Variants in DLGAP1 observed in about 807,000 individuals in gnomAD.
DLGAP1 encodes DLG associated protein 1, also known as disks large-associated protein 1.
In DLGAP1, 11 loss-of-function variants were observed where a neutral mutation model predicts 90.8. That is an observed-to-expected ratio of 0.12 (90% CI 0.08 to 0.20). The LOEUF (loss-of-function observed/expected upper bound fraction) is 0.20. Among genes scored for constraint, DLGAP1 ranks in the 10% least tolerant of loss-of-function variants. The probability of loss-of-function intolerance (pLI) is 1.00; values close to 1 mark genes in which losing one functional copy is unlikely to be tolerated. For missense variants in DLGAP1, 1,050 were observed against 1,333.8 expected (o/e 0.79, Z 3.31); for synonymous variants, 558 against 540.7 (o/e 1.03, Z -0.44).
intron 1 of DLGAP1, among the ~76,000 whole-genome samples, chr18:4,309,845 G>C (rs1376161922): frequency 1.3e-5 from 2 of 152,126 alleles, no homozygotes; most frequent in Admixed American, 1.3e-4. Flanking sequence ...GGCTCCACAG[G>C]CTTTTTGAAA....
intron 7 of DLGAP1, among the ~76,000 whole-genome samples, chr18:3,609,183 G>A (rs1003535276): frequency 1.5e-5 from 2 of 130,192 alleles, no homozygotes; most frequent in African/African-American, 5.5e-5. Flanking sequence ...AGCTGGGACT[G>A]CAGGTGTGCA....
intron 5 of DLGAP1, among the ~76,000 whole-genome samples, chr18:3,764,322 T>C (rs1299695825): frequency 6.6e-6 from 1 of 152,248 alleles, no homozygotes; most frequent in Non-Finnish European, 1.5e-5. Context: ...TTCACTAAGA[T>C]TGGGCAAATC....
intron 4 of DLGAP1, among the ~76,000 whole-genome samples, chr18:3,843,753 T>TATAAATAGGTAACATATGTCTGTC: frequency 6.6e-6 from 1 of 152,202 alleles, no homozygotes; most frequent in Non-Finnish European, 1.5e-5. Flanking sequence ...AACATTTAAG[T>TATAAATAGGTAACATATGTCTGTC]ATAAATAGGT....
intron 1 of DLGAP1, among the ~76,000 whole-genome samples, chr18:4,418,508 A>T (rs1321788765): frequency 3.9e-5 from 6 of 152,010 alleles, no homozygotes; most frequent in African/African-American, 1.4e-4. Context: ...GAAAGCCAGA[A>T]ACTATAAAAA....
At chr18:3,674,445 C>T (rs1402906325) in intron 7 of DLGAP1, among the ~76,000 whole-genome samples, 3 of 151,300 alleles carry the variant, frequency 2.0e-5, no homozygotes, top group Non-Finnish European at 4.4e-5. Context: ...AAAATGAGCT[C>T]CTATCTCTAC....
chr18:4,225,854 C>CAG (rs970270782), intron 1 of DLGAP1, among the ~76,000 whole-genome samples: 12 of 151,658 alleles, frequency 7.9e-5, no homozygotes, highest in South Asian at 2.1e-4. Flanking sequence ...TTAAAAAGGA[C>CAG]AGAGAGAGAG....
intron 4 of DLGAP1, among the ~76,000 whole-genome samples, chr18:3,869,861 G>A (rs534873829): frequency 1.3e-5 from 2 of 152,208 alleles, no homozygotes; most frequent in African/African-American, 4.8e-5. Flanking sequence ...TTTTCACACT[G>A]TATTTTTCAT....
At chr18:4,341,421 A>G (rs2081185678) in intron 1 of DLGAP1, among the ~76,000 whole-genome samples, 1 of 152,182 alleles carries the variant, frequency 6.6e-6, no homozygotes, top group African/African-American at 2.4e-5. Context: ...AATCAATACC[A>G]AAATGACTAG....
At chr18:4,429,544 C>T (rs773718241) in intron 1 of DLGAP1, among the ~76,000 whole-genome samples, 4 of 152,132 alleles carry the variant, frequency 2.6e-5, no homozygotes, top group Non-Finnish European at 5.9e-5. Context: ...TATCCACTGG[C>T]CAGATTGGTA....
chr18:4,438,768 C>T (rs2083461103), intron 1 of DLGAP1, among the ~76,000 whole-genome samples: 1 of 152,148 alleles, frequency 6.6e-6, no homozygotes, highest in Non-Finnish European at 1.5e-5. Flanking sequence ...ACAGACATAA[C>T]ATTTATAAAC....
rs71160924 is a variant in DLGAP1, at chr18:3,905,366, C to CAAAAAAAA, written c.-72-25234_-72-25227dup. On this transcript the variant is annotated intron_variant, in intron 3 of 12. Transcript: ENST00000315677. ...TGGGCAACAGAGTGAGACTCCATCT[C>CAAAAAAAA]AAAAAAAAAAAAAAAAAAAAAAAAA... 2.2e-3 allele frequency among the ~76,000 whole-genome samples: 43 copies of CAAAAAAAA among 19,820 alleles called. 2 individuals are homozygous for CAAAAAAAA. Among genetic ancestry groups the CAAAAAAAA allele is most frequent in the Admixed American group, 4.5e-3 (4 of 886 alleles). 13.0% of individuals were successfully genotyped at this position (19,820 alleles called of 152,430 possible).
rs559460935 is a variant in DLGAP1, at chr18:3,580,576, G to A, written c.1965+1299C>T. 1.9e-5 allele frequency: 30 copies of A among 1,588,952 alleles called. No homozygotes were observed. The Admixed American group carries it at 3.3e-4, about 17-fold the overall frequency. ...CAGAGCCAGAGGAGGGCTCCGGGGA[G>A]GAGGTGCCCATGGAGACTAGAGAGA... is the stretch of plus-strand genomic sequence containing the variant. On this transcript the variant is annotated intron_variant, in intron 8 of 12. Coordinates refer to ENST00000315677, the MANE Select transcript of DLGAP1 (RefSeq NM_004746.4).
At position 3,662,342 on chromosome 18, in the gene DLGAP1, C is replaced by T. The variant is rs143999550; in HGVS notation, c.1591+66793G>A. Among the ~76,000 whole-genome samples, 45 of 152,114 alleles carry T rather than the reference C, an allele frequency of 3.0e-4. 3 individuals carry two copies. In the East Asian group the frequency reaches 8.5e-3, roughly 29 times the overall value. On this transcript the variant is annotated intron_variant, in intron 7 of 12. Transcript: ENST00000315677. ...TACCTCATAGAGTTTCCAAAATAGA[C>T]AAAAAGGCTTTTAAGAATCCTAAGG...
At chr18:4,164,141 C>T (rs9783905) in intron 1 of DLGAP1, among the ~76,000 whole-genome samples, 39,636 of 152,034 alleles carry the variant, frequency 0.26, 7,765 homozygotes, top group African/African-American at 0.53. Flanking sequence ...AGAACCTGCA[C>T]GCTAAACATA....
intron 5 of DLGAP1, among the ~76,000 whole-genome samples, chr18:3,794,595 G>C (rs984060349): frequency 1.3e-5 from 2 of 152,176 alleles, no homozygotes; most frequent in Non-Finnish European, 2.9e-5. Flanking sequence ...TCACACTCGG[G>C]GCTTTTGTGT....
intron 2 of DLGAP1, among the ~76,000 whole-genome samples, chr18:4,080,489 C>A (rs1356883509): frequency 2.0e-5 from 3 of 150,394 alleles, no homozygotes; most frequent in Non-Finnish European, 4.4e-5. Flanking sequence ...ATAATAGCTG[C>A]AAAGCTCTCT....
chr18:3,807,061 G>T (rs2066600136), intron 5 of DLGAP1, among the ~76,000 whole-genome samples: 1 of 152,152 alleles, frequency 6.6e-6, no homozygotes, highest in African/African-American at 2.4e-5. Flanking sequence ...TTTGGTCATT[G>T]GTCCTTCTTT....
chr18:3,884,608 C>T (rs763310997), intron 3 of DLGAP1, among the ~76,000 whole-genome samples: 78 of 152,136 alleles, frequency 5.1e-4, no homozygotes, highest in Non-Finnish European at 9.7e-4. Flanking sequence ...GCAGAGCAAA[C>T]GAAGAGCTGT....
At chr18:4,159,867 C>T (rs1262433521) in intron 1 of DLGAP1, among the ~76,000 whole-genome samples, 1 of 152,148 alleles carries the variant, frequency 6.6e-6, no homozygotes, top group Non-Finnish European at 1.5e-5. Context: ...CTGCGTTCTT[C>T]TCTCTTATCC....
Sources: gnomAD v4.1 joint callset for allele counts (sites outside exome capture counted in the v4.1 genomes callset) on GRCh38, gnomAD v4.1.1 for gene constraint, MANE v1.5 for transcripts, NCBI Gene and HGNC (gene_info 2026-07-23, HGNC 2026-07-21) for gene names.